Variants in PAK1 observed in about 807,000 individuals in gnomAD.
PAK1 encodes the protein serine/threonine-protein kinase PAK 1.
In PAK1, 29 loss-of-function variants were observed where a neutral mutation model predicts 67.4. That is an observed-to-expected ratio of 0.43 (90% CI 0.32 to 0.59). The LOEUF (loss-of-function observed/expected upper bound fraction) is 0.59. Among genes scored for constraint, PAK1 ranks in the 20% least tolerant of loss-of-function variants. PAK1 has a pLI of 0.07. For synonymous variants in PAK1, 223 were observed against 237.4 expected, an observed-to-expected ratio of 0.94 and a Z score of 0.56; for missense variants, 337 against 670.7, an observed-to-expected ratio of 0.50 and a Z score of 5.50.
intron 1 of PAK1, among the ~76,000 whole-genome samples, chr11:77,420,930 C>A (rs471498): frequency 0.21 from 32,428 of 152,106 alleles, 4,600 homozygotes; most frequent in Non-Finnish European, 0.31. Context: ...ATGTCAATAG[C>A]GCCACTGTTG....
chr11:77,415,792 A>AT lies in PAK1; in HGVS notation c.-21-23252dup, dbSNP rs908955600. On this transcript the variant is annotated intron_variant, in intron 1 of 14. Coordinates refer to ENST00000356341, the MANE Select transcript of PAK1 (RefSeq NM_002576.5). ...TATGTTTACGCTGCACTAAACTTAA[A>AT]TTTTTTTTTCTTCAACAATAAATTA... Among the ~76,000 whole-genome samples, 6 of 151,172 alleles carry AT rather than the reference A, an allele frequency of 4.0e-5. No homozygotes were observed. In the South Asian group the frequency reaches 8.3e-4, roughly 21 times the overall value.
At chr11:77,432,953 C>T (rs1198373208) in intron 1 of PAK1, among the ~76,000 whole-genome samples, 2 of 151,840 alleles carry the variant, frequency 1.3e-5, no homozygotes, top group East Asian at 1.9e-4. Flanking sequence ...TGATTATAAA[C>T]CTAGAGTAAT....
At chr11:77,418,378 C>T (rs1214653341) in intron 1 of PAK1, among the ~76,000 whole-genome samples, 2 of 152,212 alleles carry the variant, frequency 1.3e-5, no homozygotes, top group African/African-American at 4.8e-5. Context: ...ACATGATACT[C>T]TAAGTGCAGT....
intron 1 of PAK1, among the ~76,000 whole-genome samples, chr11:77,444,305 A>C (rs1282519250): frequency 2.0e-5 from 3 of 150,044 alleles, no homozygotes; most frequent in Non-Finnish European, 3.0e-5. Context: ...AAAAAAAAAA[A>C]CCCGACGCCT....
At chr11:77,443,352 T>C (rs539609881) in intron 1 of PAK1, among the ~76,000 whole-genome samples, 39 of 148,436 alleles carry the variant, frequency 2.6e-4, no homozygotes, top group African/African-American at 8.7e-4. Flanking sequence ...ATTGTTATAA[T>C]AGACTGTGGA....
chr11:77,492,195 C>T, the PAK1 span, among the ~76,000 whole-genome samples: 1 of 151,988 alleles, frequency 6.6e-6, no homozygotes, highest in Non-Finnish European at 1.5e-5. Context: ...GCTAGCCGGG[C>T]ACGGTGGCAG....
chr11:77,490,671 T>C, the PAK1 span, among the ~76,000 whole-genome samples: 1 of 151,796 alleles, frequency 6.6e-6, no homozygotes, highest in Admixed American at 6.6e-5. Context: ...ACAATGGCGG[T>C]TTTGTGGAAT....
intron 1 of PAK1, among the ~76,000 whole-genome samples, chr11:77,414,075 GGC>G (rs895386983): frequency 3.3e-5 from 5 of 152,184 alleles, no homozygotes; most frequent in Non-Finnish European, 7.3e-5. Flanking sequence ...TCAGCCAGGT[GGC>G]TCTCTGTAAA....
chr11:77,404,154 T>C (rs768772993), intron 1 of PAK1, among the ~76,000 whole-genome samples: 3 of 152,188 alleles, frequency 2.0e-5, no homozygotes, highest in Non-Finnish European at 4.4e-5. Context: ...TATTCTATCA[T>C]AGCAACACAA....
At chr11:77,383,624 C>A (rs1027855797) in intron 2 of PAK1, among the ~76,000 whole-genome samples, 8 of 152,218 alleles carry the variant, frequency 5.3e-5, no homozygotes, top group Middle Eastern at 3.4e-3. Context: ...CACGCCCGGC[C>A]TGGTACTGTG....
chr11:77,344,118 A>C, intron 9 of PAK1, 187 bp from the exon 10 acceptor site: 1 of 538,224 alleles, frequency 1.9e-6, no homozygotes, highest in Non-Finnish European at 3.3e-6. Context: ...CAGCATCATC[A>C]TCATCTGGGA....
chr11:77,406,725 G>A (rs1021703899), intron 1 of PAK1, among the ~76,000 whole-genome samples: 1 of 152,132 alleles, frequency 6.6e-6, no homozygotes, highest in Non-Finnish European at 1.5e-5. Context: ...TGCAGTGAGT[G>A]AGCTGAGATT....
chr11:77,399,223 C>CT (rs1430228477), intron 1 of PAK1, among the ~76,000 whole-genome samples: 1 of 152,272 alleles, frequency 6.6e-6, no homozygotes, highest in East Asian at 1.9e-4. Context: ...ACCCTAGAGG[C>CT]TATCACCATC....
chr11:77,459,199 T>C (rs1957211154), intron 1 of PAK1, among the ~76,000 whole-genome samples: 1 of 152,162 alleles, frequency 6.6e-6, no homozygotes. Context: ...ATTTACATAT[T>C]ATCCTATAAA....
the PAK1 span, among the ~76,000 whole-genome samples, chr11:77,503,343 A>G: frequency 2.6e-5 from 4 of 152,234 alleles, no homozygotes; most frequent in Admixed American, 2.0e-4. Context: ...CAGCTGCTCC[A>G]GGAGGTGGTG....
the PAK1 span, among the ~76,000 whole-genome samples, chr11:77,524,465 C>T: frequency 6.6e-6 from 1 of 152,214 alleles, no homozygotes; most frequent in Non-Finnish European, 1.5e-5. Flanking sequence ...CCTGGACCGC[C>T]TTTCTCCCTC....
chr11:77,338,068 T>C (rs889782578), intron 11 of PAK1, among the ~76,000 whole-genome samples: 2 of 152,126 alleles, frequency 1.3e-5, no homozygotes, highest in African/African-American at 4.8e-5. Flanking sequence ...AAAACACCTA[T>C]ACTTAGCAGG....
At chr11:77,359,071 C>G in intron 5 of PAK1, 54 bp from the exon 6 acceptor site, 1 of 1,567,480 alleles carries the variant, frequency 6.4e-7, no homozygotes, top group Non-Finnish European at 8.7e-7. Context: ...TGGAACTTAA[C>G]TATCAGGATC....
intron 14 of PAK1, among the ~76,000 whole-genome samples, chr11:77,329,976 C>T (rs866750304): frequency 0.014 from 2,197 of 151,908 alleles, 46 homozygotes; most frequent in African/African-American, 0.05. Context: ...CACAAGCATT[C>T]TTATACACCA....
Sources: gnomAD v4.1 joint callset for allele counts (sites outside exome capture counted in the v4.1 genomes callset) on GRCh38, gnomAD v4.1.1 for gene constraint, MANE v1.5 for transcripts, NCBI Gene and HGNC (gene_info 2026-07-23, HGNC 2026-07-21) for gene names.